Variants in NRXN1 observed in about 807,000 individuals in gnomAD.
NRXN1 encodes the protein neurexin 1.
Under a neutral mutation model 150.9 loss-of-function variants are expected in NRXN1, and 39 were observed. That is an observed-to-expected ratio of 0.26 (90% CI 0.20 to 0.34). The LOEUF (loss-of-function observed/expected upper bound fraction) is 0.34, where lower values mean the gene tolerates loss of function less well. NRXN1 is among the 10% of genes least tolerant of loss of function. The pLI is 1.00. For missense variants in NRXN1, 1,815 were observed against 1,949.9 expected, an observed-to-expected ratio of 0.93 and a Z score of 1.30; for synonymous variants, 924 against 757.0, an observed-to-expected ratio of 1.22 and a Z score of -3.62.
At chr2:50,328,893 C>A (rs1002872645) in intron 17 of NRXN1, among the ~76,000 whole-genome samples, 2 of 152,190 alleles carry the variant, frequency 1.3e-5, no homozygotes, top group African/African-American at 4.8e-5. Flanking sequence ...GGTCAACCTT[C>A]TAACACATCT....
At chr2:50,144,226 A>G (rs911035075) in intron 18 of NRXN1, among the ~76,000 whole-genome samples, 51 of 151,898 alleles carry the variant, frequency 3.4e-4, no homozygotes, top group African/African-American at 1.2e-3. Flanking sequence ...GACAGTAGCA[A>G]TGAGGCCACA....
chr2:50,815,649 A>T (rs2105791749), intron 5 of NRXN1, among the ~76,000 whole-genome samples: 1 of 152,280 alleles, frequency 6.6e-6, no homozygotes, highest in South Asian at 2.1e-4. Flanking sequence ...CATAGATTAA[A>T]GTGGTCAGGA....
intron 8 of NRXN1, among the ~76,000 whole-genome samples, chr2:50,573,030 A>G: frequency 6.6e-6 from 1 of 152,166 alleles, no homozygotes; most frequent in Non-Finnish European, 1.5e-5. Context: ...ATAATATGCA[A>G]TGTACTTTTA....
intron 5 of NRXN1, among the ~76,000 whole-genome samples, chr2:50,664,218 G>A (rs535723476): frequency 1.4e-4 from 22 of 151,966 alleles, no homozygotes; most frequent in Admixed American, 1.2e-3. Flanking sequence ...AACAGAATGC[G>A]TAACTTTCCT....
At chr2:50,188,865 C>T (rs1322845706) in intron 18 of NRXN1, among the ~76,000 whole-genome samples, 1 of 152,130 alleles carries the variant, frequency 6.6e-6, no homozygotes, top group Non-Finnish European at 1.5e-5. Context: ...AGTCAGCAAA[C>T]AACAGATGCT....
chr2:50,059,262 T>C (rs1694114252), intron 19 of NRXN1, among the ~76,000 whole-genome samples: 1 of 152,214 alleles, frequency 6.6e-6, no homozygotes, highest in Non-Finnish European at 1.5e-5. Context: ...CAGCATTTTA[T>C]GCCTGCTCTA....
intron 2 of NRXN1, among the ~76,000 whole-genome samples, chr2:50,986,258 G>A (rs1386629411): frequency 6.6e-6 from 1 of 151,628 alleles, no homozygotes; most frequent in African/African-American, 2.4e-5. Context: ...ATATAAATTA[G>A]GAGAGACTCT....
At chr2:50,522,729 T>TC (rs1291557331) in intron 12 of NRXN1, among the ~76,000 whole-genome samples, 2 of 114,386 alleles carry the variant, frequency 1.7e-5, no homozygotes, top group African/African-American at 6.9e-5. Context: ...CATTTTTTTT[T>TC]TTTTTTTTTT....
At chr2:50,609,623 A>G (rs960054774) in intron 8 of NRXN1, among the ~76,000 whole-genome samples, 14 of 152,166 alleles carry the variant, frequency 9.2e-5, no homozygotes, top group African/African-American at 3.1e-4. Context: ...AAGGGAGCCA[A>G]GATTGGAATC....
rs372465833 is a variant in NRXN1, at chr2:50,826,536, T to A, written c.832+95333A>T. Among the ~76,000 whole-genome samples the A allele has an allele frequency of 7.9e-5, 12 of 152,228 alleles. No homozygotes were observed. In the East Asian group the frequency reaches 1.5e-3, roughly 20 times the overall value. On this transcript the variant is annotated intron_variant, in intron 5 of 22. Coordinates refer to ENST00000401669, the MANE Select transcript of NRXN1 (RefSeq NM_001330078.2). ...TCACCTGTGAAAATGAAAAGACCCA[T>A]ATAAATTCGGGATACATTTTGGAAG...
intron 2 of NRXN1, among the ~76,000 whole-genome samples, chr2:50,934,452 A>G (rs1193096730): frequency 1.3e-5 from 2 of 152,116 alleles, no homozygotes; most frequent in African/African-American, 4.8e-5. Flanking sequence ...TTCTAACTGC[A>G]TGATTGAATA....
intron 18 of NRXN1, among the ~76,000 whole-genome samples, chr2:50,129,937 TC>T (rs2152745960): frequency 1.3e-5 from 2 of 152,358 alleles, no homozygotes; most frequent in East Asian, 3.9e-4. Flanking sequence ...ATTTATATTT[TC>T]TATATCCTAT....
At chr2:50,753,431 C>T (rs781101510) in intron 5 of NRXN1, among the ~76,000 whole-genome samples, 6 of 151,696 alleles carry the variant, frequency 4.0e-5, no homozygotes, top group Non-Finnish European at 5.9e-5. Context: ...ACGGCCAACA[C>T]AGAAGGAGAA....
At chr2:50,556,459 T>C (rs1220947832) in intron 8 of NRXN1, among the ~76,000 whole-genome samples, 1 of 152,064 alleles carries the variant, frequency 6.6e-6, no homozygotes, top group East Asian at 1.9e-4. Flanking sequence ...TTGTGCACAC[T>C]CATTTGGATC....
At chr2:50,124,370 T>C (rs1038570716) in intron 18 of NRXN1, among the ~76,000 whole-genome samples, 2 of 152,186 alleles carry the variant, frequency 1.3e-5, no homozygotes, top group African/African-American at 4.8e-5. Flanking sequence ...AGTTATTTTA[T>C]ACTTAAGTTG....
intron 18 of NRXN1, among the ~76,000 whole-genome samples, chr2:50,186,654 T>C (rs1237258130): frequency 2.0e-5 from 3 of 152,066 alleles, no homozygotes; most frequent in Non-Finnish European, 2.9e-5. Flanking sequence ...CAGAAAAATT[T>C]CCTTTGCTGT....
intron 17 of NRXN1, among the ~76,000 whole-genome samples, chr2:50,396,887 G>A (rs1330389067): frequency 2.0e-5 from 3 of 152,018 alleles, no homozygotes; most frequent in Non-Finnish European, 4.4e-5. Context: ...GAGTATTTTT[G>A]TCTCCTTAAG....
intron 21 of NRXN1, among the ~76,000 whole-genome samples, chr2:49,991,008 A>C (rs1178368389): frequency 1.3e-5 from 2 of 152,198 alleles, no homozygotes; most frequent in Non-Finnish European, 2.9e-5. Context: ...TTTCCTACAT[A>C]TAGAGTAAAT....
At chr2:50,708,268 G>T (rs1416334854) in intron 5 of NRXN1, among the ~76,000 whole-genome samples, 1 of 152,030 alleles carries the variant, frequency 6.6e-6, no homozygotes, top group African/African-American at 2.4e-5. Flanking sequence ...AAGTACTAGT[G>T]GTTCATGAAC....
Sources: allele counts gnomAD v4.1 joint callset (sites outside exome capture counted in the v4.1 genomes callset), GRCh38; gene constraint gnomAD v4.1.1; transcripts MANE v1.5; gene names NCBI Gene and HGNC (gene_info 2026-07-23, HGNC 2026-07-21).